Variants in CNTNAP2 observed in about 807,000 individuals in gnomAD.
CNTNAP2 encodes contactin associated protein 2, also known as contactin-associated protein-like 2.
In CNTNAP2, 98 loss-of-function variants were observed where a neutral mutation model predicts 155.2. The observed-to-expected ratio is 0.63, with a 90% CI of 0.54 to 0.75. The LOEUF is 0.75. Among genes scored for constraint, CNTNAP2 ranks in the 30% least tolerant of loss-of-function variants. The probability of loss-of-function intolerance (pLI) is 0.00; values close to 1 mark genes in which losing one functional copy is unlikely to be tolerated. For missense variants in CNTNAP2, 1,727 were observed against 1,688.1 expected, an observed-to-expected ratio of 1.02 and a Z score of -0.40; for synonymous variants, 651 against 631.2, an observed-to-expected ratio of 1.03 and a Z score of -0.47.
chr7:148,123,680 G>T (rs1804651440), intron 16 of CNTNAP2, among the ~76,000 whole-genome samples: 1 of 135,440 alleles, frequency 7.4e-6, no homozygotes, highest in Non-Finnish European at 1.6e-5. Flanking sequence ...AGGAAGGAAG[G>T]AAGGAAAAAG....
chr7:146,372,180 C>G (rs1296836113), intron 1 of CNTNAP2, among the ~76,000 whole-genome samples: 1 of 152,064 alleles, frequency 6.6e-6, no homozygotes, highest in African/African-American at 2.4e-5. Flanking sequence ...TTATAACGCT[C>G]TCAGTACTCA....
At chr7:147,713,215 T>C (rs907272638) in intron 13 of CNTNAP2, among the ~76,000 whole-genome samples, 1 of 152,112 alleles carries the variant, frequency 6.6e-6, no homozygotes, top group African/African-American at 2.4e-5. Flanking sequence ...CCCTTTTCAG[T>C]GTACATTTCT....
At chr7:146,521,929 A>T (rs1205754845) in intron 1 of CNTNAP2, among the ~76,000 whole-genome samples, 1 of 152,042 alleles carries the variant, frequency 6.6e-6, no homozygotes, top group Non-Finnish European at 1.5e-5. Flanking sequence ...TGTAACAGGC[A>T]ATTCTCAGTA....
At chr7:147,958,669 A>G (rs1801065710) in intron 14 of CNTNAP2, among the ~76,000 whole-genome samples, 2 of 152,208 alleles carry the variant, frequency 1.3e-5, no homozygotes, top group South Asian at 4.1e-4. Context: ...ATAATTTTGT[A>G]AAAATATTAT....
At chr7:147,038,247 A>G (rs558364623) in intron 3 of CNTNAP2, among the ~76,000 whole-genome samples, 3 of 152,326 alleles carry the variant, frequency 2.0e-5, no homozygotes, top group Admixed American at 6.5e-5. Flanking sequence ...GCATTTTTCC[A>G]TAAGTAAAGC....
intron 15 of CNTNAP2, among the ~76,000 whole-genome samples, chr7:147,993,124 G>A (rs746391555): frequency 1.3e-4 from 20 of 152,176 alleles, no homozygotes; most frequent in Admixed American, 2.0e-4. Flanking sequence ...AGAGAACCCC[G>A]TTACTGGGTG....
At chr7:147,698,477 T>C (rs1164422074) in intron 13 of CNTNAP2, among the ~76,000 whole-genome samples, 1 of 152,176 alleles carries the variant, frequency 6.6e-6, no homozygotes, top group Non-Finnish European at 1.5e-5. Context: ...CTATTAAATA[T>C]GAAAAAAAAT....
chr7:147,350,380 A>G (rs1407106835), intron 9 of CNTNAP2, among the ~76,000 whole-genome samples: 2 of 151,892 alleles, frequency 1.3e-5, no homozygotes, highest in Non-Finnish European at 2.9e-5. Context: ...TGCCCAAGTA[A>G]TACCCCTCTA....
At chr7:147,012,462 A>C (rs565339164) in intron 3 of CNTNAP2, among the ~76,000 whole-genome samples, 2 of 152,298 alleles carry the variant, frequency 1.3e-5, no homozygotes, top group East Asian at 3.9e-4. Flanking sequence ...AAAATGAGAA[A>C]GTAATTAGGA....
At chr7:147,754,747 T>C (rs1288126440) in intron 13 of CNTNAP2, among the ~76,000 whole-genome samples, 2 of 152,144 alleles carry the variant, frequency 1.3e-5, no homozygotes, top group Admixed American at 1.3e-4. Flanking sequence ...AACTTGATAT[T>C]TGAAGTTTTA....
intron 8 of CNTNAP2, among the ~76,000 whole-genome samples, chr7:147,168,219 T>G (rs1215166562): frequency 6.6e-6 from 1 of 150,936 alleles, no homozygotes; most frequent in East Asian, 1.9e-4. Context: ...ACATTACATA[T>G]GCATGTCACT....
At chr7:146,246,140 GT>G (rs1172470660) in intron 1 of CNTNAP2, among the ~76,000 whole-genome samples, 2 of 151,874 alleles carry the variant, frequency 1.3e-5, no homozygotes, top group South Asian at 2.1e-4. Flanking sequence ...TTGGCATTGA[GT>G]GGGGTAAGGG....
At chr7:146,687,857 C>G (rs1002233848) in intron 1 of CNTNAP2, among the ~76,000 whole-genome samples, 2 of 152,160 alleles carry the variant, frequency 1.3e-5, no homozygotes, top group African/African-American at 4.8e-5. Context: ...GTTTTGCAGT[C>G]TAGCACTGAT....
At chr7:148,231,238 T>A (rs1325612730) in intron 20 of CNTNAP2, among the ~76,000 whole-genome samples, 1 of 152,118 alleles carries the variant, frequency 6.6e-6, no homozygotes, top group Admixed American at 6.5e-5. Flanking sequence ...GTGGATGATT[T>A]TTAAGACTTG....
At chr7:146,170,871 C>CA (rs1798379375) in intron 1 of CNTNAP2, among the ~76,000 whole-genome samples, 3 of 151,946 alleles carry the variant, frequency 2.0e-5, no homozygotes, top group Admixed American at 2.0e-4. Flanking sequence ...ACTAAAACTA[C>CA]AAAAAATTAG....
At chr7:147,476,717 A>G (rs1798326565) in intron 10 of CNTNAP2, among the ~76,000 whole-genome samples, 2 of 152,082 alleles carry the variant, frequency 1.3e-5, no homozygotes, top group African/African-American at 4.8e-5. Context: ...ACTTGAAGTC[A>G]GGAGTTCGAG....
chr7:148,068,923 T>A (rs958517694), intron 15 of CNTNAP2, among the ~76,000 whole-genome samples: 24 of 152,176 alleles, frequency 1.6e-4, no homozygotes, highest in Admixed American at 1.4e-3. Context: ...TCTGTACAGC[T>A]CTCTCCTGTC....
chr7:146,916,111 A>G (rs1426836481), intron 3 of CNTNAP2, among the ~76,000 whole-genome samples: 1 of 152,026 alleles, frequency 6.6e-6, no homozygotes, highest in African/African-American at 2.4e-5. Flanking sequence ...TTTATGTGGT[A>G]TATCACATTT....
chr7:147,266,367 T>G (rs190946653), intron 8 of CNTNAP2, among the ~76,000 whole-genome samples: 11 of 152,350 alleles, frequency 7.2e-5, no homozygotes, highest in African/African-American at 2.6e-4. Context: ...AGACCACATC[T>G]TTTTAAGTTT....
Sources: gnomAD v4.1 joint callset for allele counts (sites outside exome capture counted in the v4.1 genomes callset) on GRCh38, gnomAD v4.1.1 for gene constraint, MANE v1.5 for transcripts, NCBI Gene and HGNC (gene_info 2026-07-23, HGNC 2026-07-21) for gene names.